LASP1: variants seen among roughly 807,000 people sequenced by gnomAD.
LASP1 encodes the protein LIM and SH3 protein 1.
Under a neutral mutation model 38.6 loss-of-function variants are expected in LASP1, and 10 were observed. The observed-to-expected ratio is 0.26, with a 90% confidence interval of 0.16 to 0.44. The LOEUF is 0.44. Among genes scored for constraint, LASP1 ranks in the 20% least tolerant of loss-of-function variants. LASP1 has a pLI of 1.00. For missense variants in LASP1, 243 were observed against 375.7 expected (o/e 0.65, Z 2.92); for synonymous variants, 132 against 140.8 (o/e 0.94, Z 0.44).
chr17:38,884,372 CTTT>C (rs527674429), intron 2 of LASP1, among the ~76,000 whole-genome samples: 13 of 137,184 alleles, frequency 9.5e-5, no homozygotes, highest in East Asian at 8.5e-4. Context: ...GTATCATATC[CTTT>C]TTTTTTTTTT....
At chr17:38,895,178 AT>A (rs113759218) in intron 3 of LASP1, among the ~76,000 whole-genome samples, 5,024 of 145,378 alleles carry the variant, frequency 0.035, 270 homozygotes, top group African/African-American at 0.11. Flanking sequence ...ATTTTTATTA[AT>A]TTTTTTTTTT....
At chr17:38,878,565 G>C (rs226215) in intron 2 of LASP1, among the ~76,000 whole-genome samples, 102,843 of 151,976 alleles carry the variant, frequency 0.68, 35,365 homozygotes, top group East Asian at 0.96. Context: ...AATGAGTGAC[G>C]TGTCTGTTGT....
At position 38,870,274 on chromosome 17, in the gene LASP1, G is replaced by A. The variant is rs1913560000; in HGVS notation, c.69+16G>A. 1 of 1,613,200 alleles carries A rather than the reference G, an allele frequency of 6.2e-7. No individual in the cohort carries two copies. The highest frequency in any genetic ancestry group is 8.5e-7 in the Non-Finnish European group (1 of 1,179,442). ...TCTGGATAAGGTGAGCCCGGGACCG[G>A]GAGACGCGTCTTTGCAATCCCCCGC... On this transcript the variant is annotated intron_variant, in intron 1 of 6. Coordinates refer to ENST00000318008, the MANE Select transcript of LASP1 (RefSeq NM_006148.4).
chr17:38,879,119 A>G (rs981392596), intron 2 of LASP1, among the ~76,000 whole-genome samples: 10 of 150,646 alleles, frequency 6.6e-5, no homozygotes, highest in Non-Finnish European at 1.0e-4. Flanking sequence ...CAAGTCACTT[A>G]TAAGTAATGA....
chr17:38,892,585 CACA>C (rs1914364934), intron 3 of LASP1, among the ~76,000 whole-genome samples: 8 of 151,542 alleles, frequency 5.3e-5, no homozygotes, highest in Admixed American at 1.3e-4. Flanking sequence ...CACACACACA[CACA>C]CACCCTTCTC....
chr17:38,915,205 G>T, intron 6 of LASP1, 59 bp downstream of exon 6: 1 of 1,364,028 alleles, frequency 7.3e-7, no homozygotes, highest in Non-Finnish European at 1.0e-6. Context: ...GGGAAGGCTT[G>T]GACACAGCTC....
intron 2 of LASP1, among the ~76,000 whole-genome samples, chr17:38,884,226 G>C (rs1332459663): frequency 6.6e-6 from 1 of 151,990 alleles, no homozygotes; most frequent in Non-Finnish European, 1.5e-5. Flanking sequence ...CAGGACTGGA[G>C]AGTGAGGCTG....
chr17:38,904,678 T>C (rs1263596132), intron 4 of LASP1: 1 of 151,952 alleles, frequency 6.6e-6, no homozygotes, highest in Admixed American at 6.6e-5. Flanking sequence ...TAGTTACACA[T>C]TGGCTATTGT....
At chr17:38,891,049 G>A (rs1416140245) in intron 3 of LASP1, among the ~76,000 whole-genome samples, 1 of 152,142 alleles carries the variant, frequency 6.6e-6, no homozygotes, top group Non-Finnish European at 1.5e-5. Flanking sequence ...CCTGTAGGAG[G>A]GGAGGACGGG....
At chr17:38,910,733 C>CTTTTTTTTTTT (rs10526728) in intron 4 of LASP1, among the ~76,000 whole-genome samples, 6 of 135,472 alleles carry the variant, frequency 4.4e-5, no homozygotes, top group Non-Finnish European at 7.7e-5. Flanking sequence ...CTGGAGTCCA[C>CTTTTTTTTTTT]TTTTTTTTAA....
Position 38,914,397 on chromosome 17 carries a change from C to G in LASP1, c.430C>G (p.Arg144Gly), listed in dbSNP as rs768616192. The change falls in exon 5 of 7, where the codon CGG (arginine) becomes GGG (glycine). Residue 144 changes from arginine (R) to glycine (G), a missense_variant. By Grantham distance (125) the Arg-to-Gly change is moderately radical. Around this residue, in one of 4 missense-constraint regions of LASP1, gnomAD observed 165 missense variants for 210.3 expected, o/e 0.78. Transcript: ENST00000318008. Reference protein sequence around the residue: ...SGGEGMEPERRDSQDGSSYRR... With the variant: ...SGGEGMEPERGDSQDGSSYRR... ...GGGCGAGGGCATGGAGCCAGAGCGT[C>G]GGGATTCACAGGACGGCAGCAGCTA... 5.2e-5 allele frequency: 84 copies of G among 1,611,960 alleles called. No homozygotes were observed. The highest frequency in any genetic ancestry group is 6.9e-5 in the Non-Finnish European group (81 of 1,179,978).
rs114324771 is a variant in LASP1, at chr17:38,919,774, T to G, written c.*996T>G. On this transcript the variant is annotated 3_prime_UTR_variant, in exon 7 of 7. Coordinates refer to ENST00000318008, the MANE Select transcript of LASP1 (RefSeq NM_006148.4). ...CTCCCCAGCCCAATGCCAAGTGGAC[T>G]TGGAGCTGCACAAAGTCAGCAGGGA... 2,473 of 421,132 alleles carry G rather than the reference T, an allele frequency of 5.9e-3. 65 individuals are homozygous for G. Among genetic ancestry groups the G allele is most frequent in the African/African-American group, 0.046 (2,315 of 50,576 alleles). The allele number at this position is 421,132 out of a possible 1,614,324, so 26.1% of individuals were successfully genotyped here. A position where few individuals can be genotyped will look rare whatever the true frequency, so the allele number is the denominator to read the frequency against.
intron 2 of LASP1, 93 bp downstream of exon 2, chr17:38,878,273 T>A: frequency 1.2e-6 from 1 of 809,718 alleles, no homozygotes; most frequent in South Asian, 1.5e-5. Context: ...CAAGGTGACA[T>A]TGGCGAACAC....
In LASP1 at chr17:38,919,231, T is replaced by C. The variant is rs189202867; in HGVS notation, c.*453T>C. On this transcript the variant is annotated 3_prime_UTR_variant, in exon 7 of 7. Coordinates refer to ENST00000318008, the MANE Select transcript of LASP1 (RefSeq NM_006148.4). ...CACTTCTTGGTTCCTGGGATGGCGA[T>C]GGGGACTCTGCCGCTGTGTAGGGAC... The C allele has an allele frequency of 1.9e-5, 5 of 263,490 alleles. No homozygotes were observed. The highest frequency in any genetic ancestry group is 8.6e-5 in the African/African-American group (4 of 46,256). 16.3% of individuals were successfully genotyped at this position (263,490 alleles called of 1,614,324 possible). A position where few individuals can be genotyped will look rare whatever the true frequency, so the allele number is the denominator to read the frequency against.
chr17:38,899,469 C>T (rs1347295822), intron 4 of LASP1, among the ~76,000 whole-genome samples: 1 of 152,160 alleles, frequency 6.6e-6, no homozygotes, highest in Non-Finnish European at 1.5e-5. Context: ...TCCTACCCTC[C>T]ACCTGGCCAC....
chr17:38,898,383 C>A, intron 3 of LASP1, 29 bp from the exon 4 acceptor site: 1 of 1,513,572 alleles, frequency 6.6e-7, no homozygotes, highest in Non-Finnish European at 8.9e-7. Flanking sequence ...CCTGGCCTGA[C>A]TCCAATCCCT....
intron 2 of LASP1, among the ~76,000 whole-genome samples, chr17:38,881,442 T>G (rs1393920324): frequency 6.6e-6 from 1 of 152,130 alleles, no homozygotes; most frequent in Non-Finnish European, 1.5e-5. Context: ...ATGCTAATTT[T>G]TAAGTTTTTT....
intron 3 of LASP1, among the ~76,000 whole-genome samples, chr17:38,892,551 GACACAC>G (rs530593526): frequency 0.014 from 1,982 of 143,798 alleles, 32 homozygotes; most frequent in African/African-American, 0.041. Flanking sequence ...GGTCTTTGGA[GACACAC>G]ACACACACAC....
intron 2 of LASP1, 195 bp from the exon 3 acceptor site, chr17:38,890,225 C>A (rs914722259): frequency 1.7e-6 from 1 of 578,568 alleles, no homozygotes; most frequent in Non-Finnish European, 3.1e-6. Flanking sequence ...CCCAGGTCAG[C>A]CAGTCCCAGC....
Sources: gnomAD v4.1 joint callset for allele counts (sites outside exome capture counted in the v4.1 genomes callset) on GRCh38, gnomAD v4.1.1 for gene constraint, gnomAD v4.1.1 regional missense constraint, MANE v1.5 for transcripts, NCBI Gene and HGNC (gene_info 2026-07-23, HGNC 2026-07-21) for gene names.